NTM: variants seen among roughly 807,000 people sequenced by gnomAD.
NTM encodes IgLON family member 2.
Under a neutral mutation model 42.1 loss-of-function variants are expected in NTM, and 13 were observed. The observed-to-expected ratio is 0.31, with a 90% CI of 0.20 to 0.49. The LOEUF is 0.49. NTM is among the 20% of genes least tolerant of loss of function. NTM has a pLI of 0.99. For synonymous variants in NTM, 187 were observed against 179.2 expected, an observed-to-expected ratio of 1.04 and a Z score of -0.35; for missense variants, 373 against 452.8, an observed-to-expected ratio of 0.82 and a Z score of 1.60.
intron 3 of NTM, among the ~76,000 whole-genome samples, chr11:132,206,044 T>G (rs1444632796): frequency 6.6e-6 from 1 of 152,120 alleles, no homozygotes; most frequent in Non-Finnish European, 1.5e-5. Flanking sequence ...TTGTGCATTT[T>G]TCCTGGGCAT....
chr11:131,574,625 G>C (rs2057762228), intron 1 of NTM, among the ~76,000 whole-genome samples: 1 of 151,984 alleles, frequency 6.6e-6, no homozygotes, highest in African/African-American at 2.4e-5. Flanking sequence ...GGTAGGGATG[G>C]CTGGGATCCT....
At chr11:131,492,995 A>T (rs1040983828) in intron 1 of NTM, among the ~76,000 whole-genome samples, 2 of 152,158 alleles carry the variant, frequency 1.3e-5, no homozygotes, top group Non-Finnish European at 2.9e-5. Flanking sequence ...AGGCAGGCAG[A>T]TCGCTTGAGC....
chr11:131,806,956 C>G (rs1413917520), intron 1 of NTM, among the ~76,000 whole-genome samples: 1 of 152,170 alleles, frequency 6.6e-6, no homozygotes, highest in Non-Finnish European at 1.5e-5. Flanking sequence ...TATAAAGAAA[C>G]TGCTGGGAGC....
At chr11:131,586,157 G>A (rs2058838738) in intron 1 of NTM, among the ~76,000 whole-genome samples, 1 of 152,008 alleles carries the variant, frequency 6.6e-6, no homozygotes, top group African/African-American at 2.4e-5. Context: ...CCAGGCTAGA[G>A]TGCAGTGGTG....
At chr11:132,186,633 C>A (rs2138159303) in intron 3 of NTM, among the ~76,000 whole-genome samples, 1 of 152,338 alleles carries the variant, frequency 6.6e-6, no homozygotes, top group East Asian at 1.9e-4. Flanking sequence ...CATGGCATTG[C>A]AGCCATTCCT....
intron 2 of NTM, among the ~76,000 whole-genome samples, chr11:132,087,543 C>A (rs2059875356): frequency 6.6e-6 from 1 of 152,148 alleles, no homozygotes. Flanking sequence ...CCCCCAGTGA[C>A]CCACACCAGA....
chr11:131,701,202 A>G (rs1451241335), intron 1 of NTM, among the ~76,000 whole-genome samples: 1 of 152,218 alleles, frequency 6.6e-6, no homozygotes, highest in Non-Finnish European at 1.5e-5. Context: ...TCAACTTTTT[A>G]CCACCACCTA....
At chr11:131,961,588 C>T (rs1236674337) in intron 2 of NTM, among the ~76,000 whole-genome samples, 1 of 152,160 alleles carries the variant, frequency 6.6e-6, no homozygotes, top group Non-Finnish European at 1.5e-5. Context: ...ACTGAAGATA[C>T]TCTGGAAGGC....
At chr11:132,248,268 C>T (rs975711145) in intron 4 of NTM, among the ~76,000 whole-genome samples, 1 of 152,174 alleles carries the variant, frequency 6.6e-6, no homozygotes, top group Non-Finnish European at 1.5e-5. Flanking sequence ...TTCTGATCCC[C>T]TGAACTTTCC....
intron 2 of NTM, among the ~76,000 whole-genome samples, chr11:132,024,064 C>A (rs533820498): frequency 6.6e-6 from 1 of 151,838 alleles, no homozygotes; most frequent in East Asian, 1.9e-4. Flanking sequence ...GTGATCCGCC[C>A]ACCTCGGGCT....
intron 1 of NTM, among the ~76,000 whole-genome samples, chr11:131,714,804 C>T (rs1011177619): frequency 6.6e-6 from 1 of 152,198 alleles, no homozygotes; most frequent in African/African-American, 2.4e-5. Flanking sequence ...TTTGACACCA[C>T]CTTCCTCCCA....
chr11:131,382,821 A>G (rs1399194751), intron 1 of NTM, among the ~76,000 whole-genome samples: 1 of 152,226 alleles, frequency 6.6e-6, no homozygotes, highest in Non-Finnish European at 1.5e-5. Flanking sequence ...TGCCAGCTGT[A>G]GTCTGACTGG....
At chr11:132,089,717 A>G (rs1236707243) in intron 2 of NTM, among the ~76,000 whole-genome samples, 2 of 152,190 alleles carry the variant, frequency 1.3e-5, no homozygotes, top group Non-Finnish European at 2.9e-5. Context: ...GTAAAGCGTC[A>G]GTGATTTCAC....
chr11:131,715,129 G>T (rs2077553930), intron 1 of NTM, among the ~76,000 whole-genome samples: 1 of 152,186 alleles, frequency 6.6e-6, no homozygotes, highest in Non-Finnish European at 1.5e-5. Flanking sequence ...TTATTAGATG[G>T]GGGCCAGGCC....
intron 1 of NTM, among the ~76,000 whole-genome samples, chr11:131,796,644 C>G (rs1591921437): frequency 6.6e-6 from 1 of 152,140 alleles, no homozygotes; most frequent in Non-Finnish European, 1.5e-5. Flanking sequence ...CACAAGGCAG[C>G]ATAGAGAGGG....
At chr11:131,908,626 G>A (rs2054219137) in intron 1 of NTM, among the ~76,000 whole-genome samples, 1 of 152,208 alleles carries the variant, frequency 6.6e-6, no homozygotes, top group Admixed American at 6.5e-5. Context: ...CATAAGGGAT[G>A]GTTGAAATGA....
rs539378537 is a variant in NTM at position 131,438,946 on chromosome 11, T to C, written c.82+68058T>C. 3.9e-5 allele frequency among the ~76,000 whole-genome samples: 6 copies of C among 152,332 alleles called. 1 individual carries two copies. In the South Asian group the frequency reaches 1.0e-3, roughly 26 times the overall value. On this transcript the variant is annotated intron_variant, in intron 1 of 8. Coordinates refer to ENST00000683400, the MANE Select transcript of NTM (RefSeq NM_001352005.2). Reference sequence around the variant, plus strand: ...TTTATCTACCTTTACTCTTTGATGATGGTGACCTATAGATGGGGTTTTGGT... The same window carrying C: ...TTTATCTACCTTTACTCTTTGATGACGGTGACCTATAGATGGGGTTTTGGT...
At position 131,911,389 on chromosome 11, in the gene NTM, G is replaced by A. The variant is rs142355962; in HGVS notation, c.83-175G>A. Reference sequence around the variant, plus strand: ...GCCGCGGGTTCACCGCTCAGTCCCCGCGCTCGCTCCGCACCCCACCCACTT... The same window carrying A: ...GCCGCGGGTTCACCGCTCAGTCCCCACGCTCGCTCCGCACCCCACCCACTT... On this transcript the variant is annotated intron_variant, in intron 1 of 8. Transcript: ENST00000683400. 1.9e-3 allele frequency: 2,940 copies of A among 1,582,636 alleles called. 41 individuals are homozygous for A. The African/African-American group carries it at 0.035, about 19-fold the overall frequency.
chr11:131,727,340 TGAAAG>T (rs562530472), intron 1 of NTM, among the ~76,000 whole-genome samples: 111 of 152,170 alleles, frequency 7.3e-4, no homozygotes, highest in African/African-American at 2.2e-3. Flanking sequence ...CAAAAGGAAA[TGAAAG>T]GAGAAAAATA....
Sources: allele counts gnomAD v4.1 joint callset (sites outside exome capture counted in the v4.1 genomes callset), GRCh38; gene constraint gnomAD v4.1.1; transcripts MANE v1.5; gene names NCBI Gene and HGNC (gene_info 2026-07-23, HGNC 2026-07-21).